The following CORO2A variants were observed in gnomAD, a reference collection of about 807,000 sequenced individuals.
The protein encoded by CORO2A is coronin 2A.
CORO2A carries 47 observed loss-of-function variants against 62.4 expected under a neutral mutation model. The ratio of observed to expected loss-of-function variants is 0.75; its 90% confidence interval spans 0.60 to 0.96. The LOEUF is 0.96. Ranked by LOEUF, CORO2A falls within the 40% of genes least tolerant of loss-of-function variation. The pLI, the probability that CORO2A is intolerant of heterozygous loss-of-function variation, is 0.00. For missense variants in CORO2A, 610 were observed against 684.1 expected (o/e 0.89, Z 1.21); for synonymous variants, 273 against 268.9 (o/e 1.02, Z -0.15).
intron 1 of CORO2A, among the ~76,000 whole-genome samples, chr9:98,166,568 G>C (rs1418231178): frequency 6.6e-6 from 1 of 152,178 alleles, no homozygotes; most frequent in African/African-American, 2.4e-5. Context: ...ACTGTTGGTA[G>C]GAATGCAAAA....
At chr9:98,157,995 C>G (rs951479506) in intron 1 of CORO2A, among the ~76,000 whole-genome samples, 1 of 152,212 alleles carries the variant, frequency 6.6e-6, no homozygotes, top group Non-Finnish European at 1.5e-5. Flanking sequence ...TTTCACCAGA[C>G]AGCCCAGTAC....
Position 98,134,929 on chromosome 9 carries a change from C to T in CORO2A, c.345G>A (p.Gln115=), listed in dbSNP as rs773923320. The T allele has an allele frequency of 5.6e-6, 9 of 1,614,152 alleles. No homozygotes were observed. The South Asian group carries it at 6.6e-5, about 12-fold the overall frequency. ...AGGCCGTGAGGTTCCTGGTCAGCAG[C>T]TGCTTGGGGATGCTCCAGATCTTAA... ...ATIKIWSIPK[Q]LLTRNLTAYR... is the part of the protein sequence containing the mutation. Residue 115 remains glutamine, a synonymous_variant, in exon 4 of 12, where the codon CAG becomes CAA. Coordinates refer to ENST00000375077, the MANE Select transcript of CORO2A (RefSeq NM_052820.4).
chr9:98,133,281 T>G, intron 4 of CORO2A, 64 bp from the exon 5 acceptor site: 1 of 1,525,446 alleles, frequency 6.6e-7, no homozygotes. Context: ...CATAGTTACA[T>G]GCTGGCCAGG....
At chr9:98,146,080 G>T (rs1827640776) in intron 2 of CORO2A, among the ~76,000 whole-genome samples, 1 of 152,166 alleles carries the variant, frequency 6.6e-6, no homozygotes, top group African/African-American at 2.4e-5. Context: ...AAGCCACGGT[G>T]TCCATTAGGC....
chr9:98,136,108 G>A (rs1294698078), intron 3 of CORO2A, among the ~76,000 whole-genome samples: 1 of 152,206 alleles, frequency 6.6e-6, no homozygotes, highest in Non-Finnish European at 1.5e-5. Context: ...CTGCCCTGGG[G>A]CATCGGGGAA....
intron 2 of CORO2A, among the ~76,000 whole-genome samples, chr9:98,146,265 C>T (rs1436013368): frequency 1.3e-5 from 2 of 152,192 alleles, no homozygotes; most frequent in Non-Finnish European, 2.9e-5. Flanking sequence ...GCCCCAGGCT[C>T]AGGAGCACAG....
chr9:98,146,016 G>A (rs1827640147), intron 2 of CORO2A, among the ~76,000 whole-genome samples: 1 of 152,130 alleles, frequency 6.6e-6, no homozygotes, highest in African/African-American at 2.4e-5. Context: ...GGCTAAGGCT[G>A]GCCTTTAAGA....
Position 98,129,780 on chromosome 9 carries a change from T to C in CORO2A, c.967+14A>G, listed in dbSNP as rs1330706172. ...CTGGGATTACAGGCATGAACTTCAG[T>C]GTCCCTCACTTACCGATCCCCTTCT... On this transcript the variant is annotated intron_variant, in intron 8 of 11. Transcript: ENST00000375077. 1.9e-6 allele frequency: 3 copies of C among 1,596,456 alleles called. No homozygotes were observed. The East Asian group carries it at 6.7e-5, about 36-fold the overall frequency.
At position 98,157,553 on chromosome 9, in the gene CORO2A, G is replaced by C. The variant is rs186187470; in HGVS notation, c.108C>G (p.His36Gln). ...YDSVPITRSV[H>Q]DNHFCAVNPH... ...GGTTCACGGCACAGAAGTGGTTGTC[G>C]TGAACGCTGCGGGTGATAGGCACGG... The change falls in exon 2 of 12, where the codon CAC (histidine) becomes CAG (glutamine). Residue 36 changes from histidine (H) to glutamine (Q), a missense_variant. Physicochemically the swap from His to Gln is conservative, Grantham distance 24 (BLOSUM62 0). Transcript: ENST00000375077. 228 of 1,614,194 alleles carry C rather than the reference G, an allele frequency of 1.4e-4. 1 individual carries two copies. The East Asian group carries it at 4.3e-3, about 31-fold the overall frequency.
chr9:98,181,741 C>T (rs548467438), intron 1 of CORO2A, among the ~76,000 whole-genome samples: 30 of 152,286 alleles, frequency 2.0e-4, no homozygotes, highest in Non-Finnish European at 4.3e-4. Flanking sequence ...AGTCCCTACT[C>T]ATCTTTCAGA....
chr9:98,132,199 C>T lies in CORO2A; in HGVS notation c.751G>A (p.Ala251Thr). The T allele has an allele frequency of 6.2e-7, 1 of 1,614,012 alleles. No individual in the cohort carries two copies. Among genetic ancestry groups the T allele is most frequent in the Non-Finnish European group, 8.5e-7 (1 of 1,179,882 alleles). Residue 251 changes from alanine (A) to threonine (T), a missense_variant, in exon 6 of 12, where the codon GCC becomes ACC. Coordinates refer to ENST00000375077, the MANE Select transcript of CORO2A (RefSeq NM_052820.4). ...GCAGCCCTCACCTGGTCCCACAAGG[C>T]CACCTGCCGGTTGTTCCATCGGGAT... ...GTSRWNNRQV[A>T]LWDQDNLSVP... is the part of the protein sequence containing the mutation.
Position 98,132,291 on chromosome 9 carries a change from T to C in CORO2A, c.659A>G (p.Tyr220Cys). ...CACTTTGCTGGCCCGGTGCCCTTTG[T>C]AGCTGGCCTCCTGGAGGGACACGTG... Reference protein sequence around the residue: ...RAGTVLQEASYKGHRASKVLF... With the variant: ...RAGTVLQEASCKGHRASKVLF... Residue 220 changes from tyrosine to cysteine, a missense_variant, in exon 6 of 12, where the codon TAC (tyrosine) becomes TGC (cysteine). Physicochemically the swap from Tyr to Cys is radical, Grantham distance 194. Coordinates refer to ENST00000375077, the MANE Select transcript of CORO2A (RefSeq NM_052820.4). 1 of 1,613,918 alleles carries C rather than the reference T, an allele frequency of 6.2e-7. No individual in the cohort carries two copies. The highest frequency in any genetic ancestry group is 8.5e-7 in the Non-Finnish European group (1 of 1,179,900).
chr9:98,172,304 GAGCTCAGCCCCACACCCCACTTCCA>G, intron 1 of CORO2A, among the ~76,000 whole-genome samples: 1 of 90,498 alleles, frequency 1.1e-5, no homozygotes, highest in East Asian at 3.1e-4. Flanking sequence ...CCCCACTTCC[GAGCTCAGCCCCACACCCCACTTCCA>G]AGCTCAGCCC....
chr9:98,155,685 A>G (rs1201319593), intron 2 of CORO2A, among the ~76,000 whole-genome samples: 1 of 152,186 alleles, frequency 6.6e-6, no homozygotes, highest in African/African-American at 2.4e-5. Flanking sequence ...CTATTCCTTT[A>G]AAGAACTATT....
chr9:98,122,313 C>T lies in CORO2A; in HGVS notation c.*2461G>A, dbSNP rs1271486955. Reference sequence around the variant, plus strand: ...AGGCCCTACTCTGGAGATTCAGCTTCAGTTGGTCTGGAATGTGGCATGGGC... The same window carrying T: ...AGGCCCTACTCTGGAGATTCAGCTTTAGTTGGTCTGGAATGTGGCATGGGC... On this transcript the variant is annotated 3_prime_UTR_variant, in exon 12 of 12. Coordinates refer to ENST00000375077, the MANE Select transcript of CORO2A (RefSeq NM_052820.4). 6.6e-6 allele frequency: 1 copy of T among 152,254 alleles called. No individual in the cohort carries two copies. The highest frequency in any genetic ancestry group is 1.5e-5 in the Non-Finnish European group (1 of 68,078). 9.4% of individuals were successfully genotyped at this position (152,254 alleles called of 1,614,324 possible). A position where few individuals can be genotyped will look rare whatever the true frequency, so the allele number is the denominator to read the frequency against.
intron 6 of CORO2A, 34 bp downstream of exon 6, chr9:98,132,151 G>C: frequency 6.8e-7 from 1 of 1,474,242 alleles, no homozygotes. Flanking sequence ...TCTCAGCTGA[G>C]GGGTGATGGT....
chr9:98,131,194 T>C lies in CORO2A; in HGVS notation c.766-135A>G. On this transcript the variant is annotated intron_variant, in intron 6 of 11. Transcript: ENST00000375077. ...TCAGAGAAAAAGTGTGATTTTTTTA[T>C]ATGTGTGTGCGGGGGGAAGATGTCC... 3 of 625,442 alleles carry C rather than the reference T, an allele frequency of 4.8e-6. No individual in the cohort carries two copies. The South Asian group carries it at 5.8e-5, about 12-fold the overall frequency. 38.7% of individuals were successfully genotyped at this position (625,442 alleles called of 1,614,324 possible). A position where few individuals can be genotyped will look rare whatever the true frequency, so the allele number is the denominator to read the frequency against.
chr9:98,176,316 C>T (rs1828108632), intron 1 of CORO2A, among the ~76,000 whole-genome samples: 1 of 152,130 alleles, frequency 6.6e-6, no homozygotes, highest in Non-Finnish European at 1.5e-5. Context: ...GGGTAAGCAC[C>T]AAATACAATA....
At position 98,184,860 on chromosome 9, in the gene CORO2A, T is replaced by C. The variant is rs1364170153; in HGVS notation, c.-1+7699A>G. On this transcript the variant is annotated intron_variant, in intron 1 of 11. Transcript: ENST00000375077. ...CCAGCCCCAGATGCTGGCCTGATATTTCCCTAACCCCTAGGGGCTCCAGAA... is the reference window on the plus strand; with the variant it reads ...CCAGCCCCAGATGCTGGCCTGATATCTCCCTAACCCCTAGGGGCTCCAGAA... 2.6e-5 allele frequency among the ~76,000 whole-genome samples: 4 copies of C among 152,164 alleles called. No individual in the cohort carries two copies. The East Asian group carries it at 7.7e-4, about 29-fold the overall frequency.
Sources: gnomAD v4.1 joint callset for allele counts (sites outside exome capture counted in the v4.1 genomes callset) on GRCh38, gnomAD v4.1.1 for gene constraint, MANE v1.5 for transcripts, NCBI Gene and HGNC (gene_info 2026-07-23, HGNC 2026-07-21) for gene names.